ANKRD45: variants seen among roughly 807,000 people sequenced by gnomAD.
The protein encoded by ANKRD45 is ankyrin repeat domain-containing protein 45.
In ANKRD45, 21 loss-of-function variants were observed where a neutral mutation model predicts 28.1. The observed-to-expected ratio is 0.75, with a 90% confidence interval of 0.53 to 1.08. The LOEUF (loss-of-function observed/expected upper bound fraction) is 1.08, where lower values mean the gene tolerates loss of function less well. ANKRD45 is among the 50% of genes least tolerant of loss of function. The probability of loss-of-function intolerance (pLI) is 0.00; values close to 1 mark genes in which losing one functional copy is unlikely to be tolerated. For missense variants in ANKRD45, 261 were observed against 308.7 expected, an observed-to-expected ratio of 0.85 and a Z score of 1.16; for synonymous variants, 86 against 103.9, an observed-to-expected ratio of 0.83 and a Z score of 1.05.
intron 3 of ANKRD45, among the ~76,000 whole-genome samples, chr1:173,632,986 G>A (rs1295772073): frequency 6.6e-6 from 1 of 151,854 alleles, no homozygotes; most frequent in East Asian, 1.9e-4. Context: ...TATAGTGTTG[G>A]AAGTCTTACC....
At chr1:173,706,953 T>C in the ANKRD45 span, among the ~76,000 whole-genome samples, 1 of 152,152 alleles carries the variant, frequency 6.6e-6, no homozygotes, top group Admixed American at 6.5e-5. Flanking sequence ...AAACAGGTTG[T>C]GCCATTTCAG....
At chr1:173,677,183 TA>T in the ANKRD45 span, among the ~76,000 whole-genome samples, 71 of 145,598 alleles carry the variant, frequency 4.9e-4, no homozygotes, top group Admixed American at 5.5e-4. Context: ...TGAAGGATTT[TA>T]AAAAAAAAAA....
At chr1:173,656,679 T>G (rs1242726428) in intron 2 of ANKRD45, among the ~76,000 whole-genome samples, 1 of 152,170 alleles carries the variant, frequency 6.6e-6, no homozygotes. Context: ...AAAAGCTGGC[T>G]CTAGCACAAT....
At chr1:173,624,338 T>C (rs1667830013) in intron 5 of ANKRD45, among the ~76,000 whole-genome samples, 1 of 151,540 alleles carries the variant, frequency 6.6e-6, no homozygotes, top group Non-Finnish European at 1.5e-5. Flanking sequence ...ATAAAAAATT[T>C]AAAAATTGGC....
intron 1 of ANKRD45, among the ~76,000 whole-genome samples, chr1:173,664,102 G>A (rs1360986997): frequency 3.3e-5 from 5 of 152,204 alleles, no homozygotes; most frequent in African/African-American, 1.2e-4. Context: ...CATGAGTCTT[G>A]AATAAGCACT....
the ANKRD45 span, among the ~76,000 whole-genome samples, chr1:173,690,957 G>A: frequency 6.6e-5 from 10 of 152,138 alleles, 1 homozygote; most frequent in Non-Finnish European, 1.0e-4. Flanking sequence ...TTGGGGTGAG[G>A]CTCAATTTCC....
the ANKRD45 span, among the ~76,000 whole-genome samples, chr1:173,691,369 G>A: frequency 5.9e-5 from 9 of 152,174 alleles, no homozygotes; most frequent in Non-Finnish European, 1.3e-4. Context: ...ACCAGAGACC[G>A]TCCCCAGAGG....
chr1:173,612,001 T>C lies in ANKRD45; in HGVS notation c.731-1786A>G, dbSNP rs188356714. Among the ~76,000 whole-genome samples the C allele has an allele frequency of 2.0e-5, 3 of 152,228 alleles. No homozygotes were observed. In the East Asian group the frequency reaches 5.8e-4, roughly 29 times the overall value. On this transcript the variant is annotated intron_variant, in intron 5 of 5. Transcript: ENST00000333279. ...GCTCACACCTGTAATTCCAGCACTT[T>C]GGGAGGCCGAGGCAAGTAGATCACT...
chr1:173,654,231 G>T (rs1669385587), intron 2 of ANKRD45, among the ~76,000 whole-genome samples: 1 of 152,022 alleles, frequency 6.6e-6, no homozygotes, highest in Non-Finnish European at 1.5e-5. Flanking sequence ...TCAGTGGCTG[G>T]TACCAGTTGT....
At chr1:173,635,418 T>C (rs1668384062) in intron 3 of ANKRD45, 2 of 903,440 alleles carry the variant, frequency 2.2e-6, no homozygotes, top group Non-Finnish European at 3.2e-6. Context: ...TATTTTCTGC[T>C]TCCCTTCGTA....
chr1:173,612,745 CA>C (rs1346751723), intron 5 of ANKRD45: 1 of 157,484 alleles, frequency 6.3e-6, no homozygotes, highest in Non-Finnish European at 1.4e-5. Flanking sequence ...CGCGCGCCGC[CA>C]CGCCTGACTG....
At chr1:173,615,414 A>G (rs1034054211) in intron 5 of ANKRD45, among the ~76,000 whole-genome samples, 4 of 151,124 alleles carry the variant, frequency 2.6e-5, no homozygotes, top group Admixed American at 6.6e-5. Context: ...ATGCCCCCCA[A>G]GTGTAGTGCT....
chr1:173,684,861 G>A, the ANKRD45 span, among the ~76,000 whole-genome samples: 5 of 152,182 alleles, frequency 3.3e-5, no homozygotes, highest in East Asian at 5.8e-4. Flanking sequence ...ATAGATCACC[G>A]TTGGTTGTAG....
At chr1:173,654,051 C>G (rs1669376191) in intron 2 of ANKRD45, among the ~76,000 whole-genome samples, 1 of 151,098 alleles carries the variant, frequency 6.6e-6, no homozygotes, top group Non-Finnish European at 1.5e-5. Flanking sequence ...GGTCTTGACT[C>G]TTTATCCAAT....
At chr1:173,649,899 C>T (rs1438792454) in intron 2 of ANKRD45, among the ~76,000 whole-genome samples, 1 of 151,910 alleles carries the variant, frequency 6.6e-6, no homozygotes. Flanking sequence ...TTCATTTTCC[C>T]CACTGAAATT....
chr1:173,621,695 A>G (rs1468499448), intron 5 of ANKRD45, among the ~76,000 whole-genome samples: 3 of 152,316 alleles, frequency 2.0e-5, no homozygotes, highest in Admixed American at 2.0e-4. Context: ...CCCACAGCCA[A>G]TATCATAATG....
chr1:173,691,604 T>C, the ANKRD45 span, among the ~76,000 whole-genome samples: 1 of 151,952 alleles, frequency 6.6e-6, no homozygotes, highest in Non-Finnish European at 1.5e-5. Context: ...GCTAACACGG[T>C]GAAACCCCGT....
chr1:173,669,153 G>A (rs1016412060), intron 1 of ANKRD45, among the ~76,000 whole-genome samples: 7 of 152,158 alleles, frequency 4.6e-5, no homozygotes, highest in African/African-American at 1.2e-4. Flanking sequence ...ATGGAGGTAG[G>A]TAGAGTGCTT....
chr1:173,623,103 G>A (rs976568779), intron 5 of ANKRD45, among the ~76,000 whole-genome samples: 1 of 151,744 alleles, frequency 6.6e-6, no homozygotes, highest in African/African-American at 2.4e-5. Context: ...ACCACCTGAG[G>A]TCAGGAGTTC....
Sources: allele counts gnomAD v4.1 joint callset (sites outside exome capture counted in the v4.1 genomes callset), GRCh38; gene constraint gnomAD v4.1.1; transcripts MANE v1.5; gene names NCBI Gene and HGNC (gene_info 2026-07-23, HGNC 2026-07-21).